FRMPD2: variants seen among roughly 807,000 people sequenced by gnomAD.
FRMPD2 encodes FERM and PDZ domain containing 2.
Under a neutral mutation model 140.1 loss-of-function variants are expected in FRMPD2, and 96 were observed. That is an observed-to-expected ratio of 0.69 (90% CI 0.58 to 0.81). FRMPD2 has a LOEUF of 0.81. Among genes scored for constraint, FRMPD2 ranks in the 40% least tolerant of loss-of-function variants. FRMPD2 has a pLI of 0.00. For synonymous variants in FRMPD2, 449 were observed against 547.6 expected, an observed-to-expected ratio of 0.82 and a Z score of 2.52; for missense variants, 1,240 against 1,447.4, an observed-to-expected ratio of 0.86 and a Z score of 2.32.
At chr10:48,230,753 A>T (rs867699741) in intron 10 of FRMPD2, among the ~76,000 whole-genome samples, 15 of 152,206 alleles carry the variant, frequency 9.9e-5, no homozygotes, top group Non-Finnish European at 1.5e-4. Flanking sequence ...TTGGACCCTG[A>T]ATTCTTCTTG....
At chr10:48,236,796 G>T (rs1243349108) in intron 8 of FRMPD2, among the ~76,000 whole-genome samples, 1 of 152,190 alleles carries the variant, frequency 6.6e-6, no homozygotes, top group Non-Finnish European at 1.5e-5. Flanking sequence ...GGGTACAGGG[G>T]TGTTCGGGGT....
intron 15 of FRMPD2, among the ~76,000 whole-genome samples, chr10:48,198,597 T>C (rs1425427999): frequency 6.6e-5 from 10 of 152,236 alleles, no homozygotes; most frequent in Non-Finnish European, 1.5e-5. Context: ...AATAGTTTTT[T>C]TTTCTAATTC....
At chr10:48,266,538 A>G (rs1451372107) in intron 1 of FRMPD2, among the ~76,000 whole-genome samples, 1 of 152,268 alleles carries the variant, frequency 6.6e-6, no homozygotes, top group Non-Finnish European at 1.5e-5. Flanking sequence ...ATAGACCAAT[A>G]CATATACATT....
rs757448543 is a variant in FRMPD2 at position 48,232,188 on chromosome 10, T to A, written c.1095A>T (p.Gly365=). Residue 365 remains glycine, a synonymous_variant, in exon 10 of 29, where the codon GGA becomes GGT. Coordinates refer to ENST00000374201, the MANE Select transcript of FRMPD2 (RefSeq NM_001018071.4). ...EVKCDVESTV[G]AVFNAVTSFA... ...AGGATGTCACGGCATTGAAGACAGCTCCCACTGTTGATTCAACATCACATT... is the reference window on the plus strand; with the variant it reads ...AGGATGTCACGGCATTGAAGACAGCACCCACTGTTGATTCAACATCACATT... 22 of 1,614,026 alleles carry A rather than the reference T, an allele frequency of 1.4e-5. No individual in the cohort carries two copies. The Admixed American group carries it at 2.5e-4, about 18-fold the overall frequency.
chr10:48,185,803 G>T (rs1012080485), intron 17 of FRMPD2, among the ~76,000 whole-genome samples, 158 bp from the exon 18 acceptor site: 1 of 152,312 alleles, frequency 6.6e-6, no homozygotes, highest in Admixed American at 6.5e-5. Flanking sequence ...TCTCCCAGCA[G>T]TGCTGGGAAT....
intron 1 of FRMPD2, among the ~76,000 whole-genome samples, chr10:48,263,036 G>T (rs534617241): frequency 1.3e-5 from 2 of 151,910 alleles, no homozygotes; most frequent in Non-Finnish European, 2.9e-5. Context: ...TCAACTATTT[G>T]GAGATTAAAC....
intron 21 of FRMPD2, chr10:48,178,881 C>G (rs1241157027): frequency 1.3e-5 from 2 of 152,426 alleles, no homozygotes; most frequent in Admixed American, 1.3e-4. Context: ...GCTCTGTCCC[C>G]TGCTCCCTGA....
chr10:48,192,856 CA>C lies in FRMPD2; in HGVS notation c.1992del (p.Ala665HisfsTer35), dbSNP rs781266850. The C allele has an allele frequency of 3.1e-6, 5 of 1,614,052 alleles. No homozygotes were observed. The highest frequency in any genetic ancestry group is 4.2e-6 in the Non-Finnish European group (5 of 1,180,008). ...AGAGGCTTAGACCGGGCCTGGTGTG[CA>C]GGACTCAAATTGGCCATTTGCACAA... Reference protein sequence around the residue: ...DKFVQMANLSPAHQARSKPLI... With the variant: ...DKFVQMANLSXAHQARSKPLI... On this transcript the variant is annotated frameshift_variant, in exon 16 of 29. Coordinates refer to ENST00000374201, the MANE Select transcript of FRMPD2 (RefSeq NM_001018071.4). LOFTEE classifies it high-confidence loss of function.
chr10:48,185,261 C>T (rs1359699540), intron 18 of FRMPD2, among the ~76,000 whole-genome samples: 1 of 152,168 alleles, frequency 6.6e-6, no homozygotes, highest in African/African-American at 2.4e-5. Flanking sequence ...TAAATTGACT[C>T]TTCTTCCCCA....
At chr10:48,163,750 T>C (rs1162143042) in intron 27 of FRMPD2, 79 bp from the exon 28 acceptor site, 3 of 708,850 alleles carry the variant, frequency 4.2e-6, no homozygotes, top group Non-Finnish European at 7.8e-6. Context: ...TTTTCCCCCA[T>C]GTGATTATAG....
chr10:48,257,643 A>G (rs1269902091), intron 1 of FRMPD2, among the ~76,000 whole-genome samples: 2 of 152,184 alleles, frequency 1.3e-5, no homozygotes, highest in East Asian at 3.9e-4. Context: ...GTCTTTCAGC[A>G]TTCTCTACCT....
At chr10:48,187,802 T>G (rs2131842053) in intron 16 of FRMPD2, among the ~76,000 whole-genome samples, 1 of 152,268 alleles carries the variant, frequency 6.6e-6, no homozygotes. Context: ...CTGCACAGGG[T>G]CACTGACCTG....
intron 20 of FRMPD2, among the ~76,000 whole-genome samples, chr10:48,182,131 T>G (rs1453369148): frequency 6.6e-6 from 1 of 152,132 alleles, no homozygotes; most frequent in Non-Finnish European, 1.5e-5. Context: ...TAAATAAATC[T>G]GATTTAATGA....
intron 1 of FRMPD2, among the ~76,000 whole-genome samples, chr10:48,256,041 C>A (rs1176274473): frequency 6.6e-6 from 1 of 152,242 alleles, no homozygotes. Context: ...GCACGTGCAA[C>A]CCACACTGCA....
chr10:48,222,503 A>C (rs925783764), intron 11 of FRMPD2, 52 bp from the exon 12 acceptor site: 1 of 1,594,204 alleles, frequency 6.3e-7, no homozygotes. Context: ...GAAAGGGAGA[A>C]TGTTAGCACC....
intron 27 of FRMPD2, among the ~76,000 whole-genome samples, chr10:48,164,732 A>G (rs1407406172): frequency 1.4e-5 from 2 of 147,050 alleles, no homozygotes; most frequent in East Asian, 2.0e-4. Flanking sequence ...ATTTTGTCAC[A>G]TTTTCATACT....
At position 48,249,082 on chromosome 10, in the gene FRMPD2, G is replaced by A. The variant is rs1468559208; in HGVS notation, c.248C>T (p.Pro83Leu). The A allele has an allele frequency of 6.2e-7, 1 of 1,614,008 alleles. No individual in the cohort carries two copies. The highest frequency in any genetic ancestry group is 1.7e-5 in the Admixed American group (1 of 60,024). ...QGRVSHIEAAPFKAPELLQGQ... is the reference protein window; with the variant it reads ...QGRVSHIEAALFKAPELLQGQ... ...CTGTAGCAGTTCAGGGGCCTTGAAA[G>A]GAGCAGCCTCTATATGAGAAACACG... is the stretch of plus-strand genomic sequence containing the variant. The change falls in exon 3 of 29, where the codon CCT (proline) becomes CTT (leucine). Residue 83 changes from proline (P) to leucine (L), a missense_variant. This residue lies in a region of FRMPD2 where 1,161 missense variants were observed against 1,055.9 expected (regional missense o/e 1.10). Coordinates refer to ENST00000374201, the MANE Select transcript of FRMPD2 (RefSeq NM_001018071.4).
rs766821720 is a variant in FRMPD2 at position 48,249,014 on chromosome 10, A to G, written c.309+7T>C. The G allele has an allele frequency of 8.1e-6, 13 of 1,602,574 alleles. No individual in the cohort carries two copies. The highest frequency in any genetic ancestry group is 5.1e-5 in the Admixed American group (3 of 59,110). ...CTCAGAAGTTGCAGAGTAGCTGCAC[A>G]GCTTACCTGAGATGCATCAGGCTGC... On this transcript the variant is annotated splice_region_variant and intron_variant, in intron 3 of 28. Coordinates refer to ENST00000374201, the MANE Select transcript of FRMPD2 (RefSeq NM_001018071.4).
intron 8 of FRMPD2, 104 bp downstream of exon 8, chr10:48,237,887 T>C: frequency 7.3e-7 from 1 of 1,360,754 alleles, no homozygotes; most frequent in African/African-American, 1.4e-5. Flanking sequence ...CCCAGGGAAG[T>C]TGTCCCCTAG....
Sources: allele counts gnomAD v4.1 joint callset (sites outside exome capture counted in the v4.1 genomes callset), GRCh38; gene constraint gnomAD v4.1.1; regional missense constraint gnomAD v4.1.1; transcripts MANE v1.5; gene names NCBI Gene and HGNC (gene_info 2026-07-23, HGNC 2026-07-21).